XIAP: variants seen among roughly 807,000 people sequenced by gnomAD.
XIAP encodes X-linked inhibitor of apoptosis.
In XIAP, 3 loss-of-function variants were observed where a neutral mutation model predicts 33.1. The observed-to-expected ratio is 0.09, with a 90% CI of 0.04 to 0.23. The LOEUF (loss-of-function observed/expected upper bound fraction) is 0.23, where lower values mean the gene tolerates loss of function less well. XIAP is among the 10% of genes least tolerant of loss of function. The pLI is 1.00. For synonymous variants in XIAP, 98 were observed against 121.3 expected (o/e 0.81, Z 1.26); for missense variants, 264 against 363.0 (o/e 0.73, Z 2.22).
At chrX:123,883,924 G>T (rs757405070) in intron 1 of XIAP, among the ~76,000 whole-genome samples, 1 of 111,767 alleles carries the variant, frequency 8.9e-6, no homozygotes, top group Admixed American at 9.6e-5. Context: ...TCAACAAAGG[G>T]CCTTGAAGCT....
rs1284395062 is a variant in XIAP, at chrX:123,912,681, A to G, written c.*5500A>G. On this transcript the variant is annotated 3_prime_UTR_variant, in exon 7 of 7. Coordinates refer to ENST00000371199, the MANE Select transcript of XIAP (RefSeq NM_001167.4). ...GAAGATGTGCATACATTATATGCAA[A>G]TACTGTTTTTTTTTTTTTTAATTTA... 9 of 291,134 alleles carry G rather than the reference A, an allele frequency of 3.1e-5. No homozygotes were observed. In the East Asian group the frequency reaches 8.4e-4, roughly 27 times the overall value. The allele number at this position is 291,134 out of a possible 1,213,427, so 24.0% of individuals were successfully genotyped here.
rs1481437672 is a variant in XIAP at position 123,886,072 on chromosome X, C to T, written c.410C>T (p.Ala137Val). The change falls in exon 2 of 7, where the codon GCA becomes GTA. Residue 137 changes from alanine (A) to valine (V), a missense_variant. Ala to Val is a moderately conservative substitution (Grantham distance 64). Coordinates refer to ENST00000371199, the MANE Select transcript of XIAP (RefSeq NM_001167.4). ...FALDRPSETH[A>V]DYLLRTGQVV... is the part of the protein sequence containing the mutation. ...TTAGACAGGCCATCTGAGACACATG[C>T]AGACTATCTTTTGAGAACTGGGCAG... The T allele has an allele frequency of 8.3e-7, 1 of 1,211,736 alleles. No homozygotes were observed. The highest frequency in any genetic ancestry group is 1.8e-5 in the South Asian group (1 of 57,013).
rs756817420 is a variant in XIAP, at chrX:123,885,531, A to T, written c.-32-100A>T. On this transcript the variant is annotated intron_variant, in intron 1 of 6. Coordinates refer to ENST00000371199, the MANE Select transcript of XIAP (RefSeq NM_001167.4). ...AATGTTTCTTAGCGGTCGTGTAGTT[A>T]TTTTTATGTCATAAGTGGATAATTT... 128 of 666,328 alleles carry T rather than the reference A, an allele frequency of 1.9e-4. No homozygotes were observed. In the Middle Eastern group the frequency reaches 4.0e-3, roughly 21 times the overall value. The allele number at this position is 666,328 out of a possible 1,213,427, so 54.9% of individuals were successfully genotyped here. A position where few individuals can be genotyped will look rare whatever the true frequency, so the allele number is the denominator to read the frequency against.
chrX:123,880,266 C>T (rs765524558), intron 1 of XIAP, among the ~76,000 whole-genome samples: 12 of 97,187 alleles, frequency 1.2e-4, no homozygotes, highest in South Asian at 4.6e-4. Flanking sequence ...TACAAAATTG[C>T]CGGGTGTGGT....
At chrX:123,868,537 C>T (rs2053164751) in intron 1 of XIAP, among the ~76,000 whole-genome samples, 1 of 111,073 alleles carries the variant, frequency 9.0e-6, no homozygotes, top group South Asian at 3.8e-4. Flanking sequence ...CAAGACCAGC[C>T]TGGGCAACAT....
chrX:123,866,611 TATATA>T (rs1308824881), intron 1 of XIAP, among the ~76,000 whole-genome samples: 1 of 103,101 alleles, frequency 9.7e-6, no homozygotes, highest in Non-Finnish European at 1.9e-5. Flanking sequence ...TTATATATAA[TATATA>T]ATACAATATA....
chrX:123,902,972 A>G (rs2053526573), intron 6 of XIAP, among the ~76,000 whole-genome samples: 1 of 110,649 alleles, frequency 9.0e-6, no homozygotes, highest in South Asian at 3.8e-4. Context: ...GCTGTAGAGA[A>G]GTATGTAGAA....
chrX:123,871,605 C>T (rs991339187), intron 1 of XIAP, among the ~76,000 whole-genome samples: 1 of 110,152 alleles, frequency 9.1e-6, no homozygotes, highest in Non-Finnish European at 1.9e-5. Context: ...CTCATCCTCC[C>T]GAGTAGCTGG....
rs1384485348 is a variant in XIAP at position 123,910,553 on chromosome X, T to C, written c.*3372T>C. 3.1e-6 allele frequency: 1 copy of C among 327,385 alleles called. No homozygotes were observed. Among genetic ancestry groups the C allele is most frequent in the African/African-American group, 2.7e-5 (1 of 37,572 alleles). The allele number at this position is 327,385 out of a possible 1,213,427, so 27.0% of individuals were successfully genotyped here. A position where few individuals can be genotyped will look rare whatever the true frequency, so the allele number is the denominator to read the frequency against. On this transcript the variant is annotated 3_prime_UTR_variant, in exon 7 of 7. Coordinates refer to ENST00000371199, the MANE Select transcript of XIAP (RefSeq NM_001167.4). ...AGTAGGATATACTATGGGATGTATA[T>C]ATATCATTGCTGTTAGAGAAATGAA...
At chrX:123,906,930 A>G (rs1438312444) in intron 6 of XIAP, 58 bp from the exon 7 acceptor site, 3 of 1,175,359 alleles carry the variant, frequency 2.6e-6, no homozygotes, top group Admixed American at 2.2e-5. Context: ...AATGTTTTCA[A>G]TGAATTTAAA....
At chrX:123,862,792 C>T (rs752500355) in intron 1 of XIAP, among the ~76,000 whole-genome samples, 561 of 108,445 alleles carry the variant, frequency 5.2e-3, no homozygotes, top group Middle Eastern at 9.4e-3. Context: ...GAGGCAGAGG[C>T]TGCAGTGAGC....
chrX:123,893,411 TA>T (rs1482913546), intron 5 of XIAP, among the ~76,000 whole-genome samples: 1 of 109,109 alleles, frequency 9.2e-6, no homozygotes, highest in Non-Finnish European at 1.9e-5. Context: ...TAGTCCCACG[TA>T]CTTGGGAGGC....
At position 123,913,241 on chromosome X, in the gene XIAP, G is replaced by T; in HGVS notation, c.*6060G>T. Reference sequence around the variant, plus strand: ...AATCCCAGCAGTTTCCGAGGCTGAGGCAGGCGGCTCACCTGAGGTCAGGAG... The same window carrying T: ...AATCCCAGCAGTTTCCGAGGCTGAGTCAGGCGGCTCACCTGAGGTCAGGAG... On this transcript the variant is annotated 3_prime_UTR_variant, in exon 7 of 7. Transcript: ENST00000371199. 3.0e-6 allele frequency: 1 copy of T among 329,079 alleles called. No individual in the cohort carries two copies. The highest frequency in any genetic ancestry group is 2.6e-5 in the South Asian group (1 of 38,474). The allele number at this position is 329,079 out of a possible 1,213,427, so 27.1% of individuals were successfully genotyped here. A position where few individuals can be genotyped will look rare whatever the true frequency, so the allele number is the denominator to read the frequency against.
chrX:123,898,260 T>G (rs1488965604), intron 5 of XIAP, among the ~76,000 whole-genome samples: 1 of 112,863 alleles, frequency 8.9e-6, no homozygotes, highest in Admixed American at 9.4e-5. Context: ...GGCCCTTCCT[T>G]GTTTTTCAAC....
At chrX:123,870,092 TGGG>T (rs1449807048) in intron 1 of XIAP, among the ~76,000 whole-genome samples, 1 of 112,647 alleles carries the variant, frequency 8.9e-6, no homozygotes, top group African/African-American at 3.2e-5. Context: ...CCTTAGTAGC[TGGG>T]ACTACAGGCA....
At position 123,908,627 on chromosome X, in the gene XIAP, A is replaced by G. The variant is rs1229974115; in HGVS notation, c.*1446A>G. The G allele has an allele frequency of 2.8e-5, 10 of 359,713 alleles. No individual in the cohort carries two copies. Among genetic ancestry groups the G allele is most frequent in the Non-Finnish European group, 4.8e-5 (9 of 189,018 alleles). 29.6% of individuals were successfully genotyped at this position (359,713 alleles called of 1,213,427 possible). A position where few individuals can be genotyped will look rare whatever the true frequency, so the allele number is the denominator to read the frequency against. On this transcript the variant is annotated 3_prime_UTR_variant, in exon 7 of 7. Transcript: ENST00000371199. ...AAAATGTTAAGTCTTTCCTCTACCT[A>G]CATTTGTTTTCTTGGCTAGTAATAG...
At chrX:123,880,037 C>G (rs2053283975) in intron 1 of XIAP, among the ~76,000 whole-genome samples, 2 of 110,367 alleles carry the variant, frequency 1.8e-5, no homozygotes, top group South Asian at 7.8e-4. Flanking sequence ...TCCCTTGAAC[C>G]CGGGAGGCGG....
At chrX:123,870,802 A>AG (rs2053186859) in intron 1 of XIAP, among the ~76,000 whole-genome samples, 1 of 111,415 alleles carries the variant, frequency 9.0e-6, no homozygotes, top group Non-Finnish European at 1.9e-5. Context: ...GAAAAAAAAA[A>AG]GTTGTTTAAG....
chrX:123,897,080 C>A (rs1437748969), intron 5 of XIAP, among the ~76,000 whole-genome samples: 1 of 108,263 alleles, frequency 9.2e-6, no homozygotes, highest in Non-Finnish European at 1.9e-5. Context: ...TACAGGCGTG[C>A]ACCACCATGC....
Sources: allele counts gnomAD v4.1 joint callset (sites outside exome capture counted in the v4.1 genomes callset), GRCh38; gene constraint gnomAD v4.1.1; transcripts MANE v1.5; gene names NCBI Gene and HGNC (gene_info 2026-07-23, HGNC 2026-07-21).